RBFOX2: variants seen among roughly 807,000 people sequenced by gnomAD.
The protein encoded by RBFOX2 is RNA binding protein fox-1 homolog 2.
Under a neutral mutation model 49.1 loss-of-function variants are expected in RBFOX2, and 10 were observed. That is an observed-to-expected ratio of 0.20 (90% CI 0.13 to 0.35). The LOEUF (loss-of-function observed/expected upper bound fraction) is 0.35, where lower values mean the gene tolerates loss of function less well. Among genes scored for constraint, RBFOX2 ranks in the 10% least tolerant of loss-of-function variants. The pLI, the probability that RBFOX2 is intolerant of heterozygous loss-of-function variation, is 1.00. For missense variants in RBFOX2, 323 were observed against 486.9 expected (o/e 0.66, Z 3.17); for synonymous variants, 183 against 187.4 (o/e 0.98, Z 0.19).
intron 1 of RBFOX2, among the ~76,000 whole-genome samples, chr22:35,849,345 T>C (rs1221266068): frequency 7.1e-6 from 1 of 140,410 alleles, no homozygotes; most frequent in African/African-American, 2.6e-5. Context: ...ACACACAGAA[T>C]CTCTCCAAAG....
intron 1 of RBFOX2, among the ~76,000 whole-genome samples, chr22:35,871,589 T>C (rs1217897989): frequency 6.6e-6 from 1 of 152,212 alleles, no homozygotes; most frequent in African/African-American, 2.4e-5. Flanking sequence ...GCTGTTCTTA[T>C]TCAAGGGCTT....
At chr22:36,025,917 A>C (rs991756775) in intron 1 of RBFOX2, among the ~76,000 whole-genome samples, 2 of 152,198 alleles carry the variant, frequency 1.3e-5, no homozygotes, top group Non-Finnish European at 1.5e-5. Flanking sequence ...GGCAGGGCCT[A>C]AATCAATGAT....
intron 1 of RBFOX2, among the ~76,000 whole-genome samples, chr22:35,846,266 A>G (rs908941252): frequency 6.7e-6 from 1 of 149,694 alleles, no homozygotes; most frequent in African/African-American, 2.4e-5. Flanking sequence ...TATAAACTAT[A>G]TAAGTTAATA....
chr22:35,865,567 A>AT (rs894422458), intron 1 of RBFOX2, among the ~76,000 whole-genome samples: 53 of 150,930 alleles, frequency 3.5e-4, no homozygotes, highest in Non-Finnish European at 5.3e-4. Context: ...CTTTATTATT[A>AT]TTTTTTTTTG....
chr22:36,021,426 CAG>C (rs1476493089), intron 1 of RBFOX2, among the ~76,000 whole-genome samples: 3 of 151,758 alleles, frequency 2.0e-5, no homozygotes, highest in Admixed American at 2.0e-4. Context: ...AAAATAAAAA[CAG>C]AGAAGGGACA....
At chr22:35,817,369 T>C (rs1953334940) in intron 1 of RBFOX2, among the ~76,000 whole-genome samples, 1 of 151,868 alleles carries the variant, frequency 6.6e-6, no homozygotes, top group South Asian at 2.1e-4. Flanking sequence ...CCCAGCTACC[T>C]GGGAGGCTGA....
At chr22:35,838,956 T>C (rs1958199411) in intron 1 of RBFOX2, among the ~76,000 whole-genome samples, 1 of 152,162 alleles carries the variant, frequency 6.6e-6, no homozygotes. Flanking sequence ...TAAACAGGAT[T>C]CCAGCTCCTA....
chr22:35,988,187 C>T (rs949549594), intron 1 of RBFOX2, among the ~76,000 whole-genome samples: 9 of 152,122 alleles, frequency 5.9e-5, no homozygotes, highest in Non-Finnish European at 8.8e-5. Flanking sequence ...GCAAAAGAAC[C>T]GCACAGCGAT....
intron 1 of RBFOX2, among the ~76,000 whole-genome samples, chr22:35,985,285 C>A: frequency 6.6e-6 from 1 of 152,088 alleles, no homozygotes; most frequent in African/African-American, 2.4e-5. Flanking sequence ...AGACACAAAC[C>A]CTAAGTTGTT....
intron 3 of RBFOX2, among the ~76,000 whole-genome samples, chr22:35,780,592 C>A (rs7364157): frequency 0.043 from 6,515 of 152,138 alleles, 472 homozygotes; most frequent in African/African-American, 0.15. Context: ...CAATCCTCTA[C>A]AATGATTTTA....
chr22:36,028,261 G>C, exon 1 of RBFOX2: 2 of 1,530,556 alleles, frequency 1.3e-6, no homozygotes, highest in Non-Finnish European at 1.7e-6. Context: ...CGCCACCGTC[G>C]GCCGCCGCCT....
chr22:36,028,645 C>A (rs1323589688), exon 1 of RBFOX2, among the ~76,000 whole-genome samples: 1 of 149,406 alleles, frequency 6.7e-6, no homozygotes, highest in African/African-American at 2.4e-5. Flanking sequence ...GCCGGGTTGT[C>A]GGCGCGGGGC....
chr22:36,009,934 T>G (rs1290730806), intron 1 of RBFOX2, among the ~76,000 whole-genome samples: 1 of 152,200 alleles, frequency 6.6e-6, no homozygotes, highest in Non-Finnish European at 1.5e-5. Context: ...ACTCCTCGGG[T>G]TGGCACTTCA....
At chr22:35,898,486 C>T (rs1033325655) in intron 1 of RBFOX2, 16 of 353,802 alleles carry the variant, frequency 4.5e-5, no homozygotes, top group Non-Finnish European at 6.7e-5. Context: ...AGTGCAGTGG[C>T]GTGATCTCGA....
At chr22:35,832,640 C>G (rs1957006680) in intron 1 of RBFOX2, among the ~76,000 whole-genome samples, 1 of 152,004 alleles carries the variant, frequency 6.6e-6, no homozygotes, top group Non-Finnish European at 1.5e-5. Flanking sequence ...CGAGAGCAGC[C>G]TGGCCAACAT....
chr22:35,834,689 C>A (rs941039398), intron 1 of RBFOX2, among the ~76,000 whole-genome samples: 2 of 151,972 alleles, frequency 1.3e-5, no homozygotes, highest in Admixed American at 1.3e-4. Flanking sequence ...GCAGAAGGGT[C>A]CTGAGCAGGA....
intron 1 of RBFOX2, among the ~76,000 whole-genome samples, chr22:35,851,913 T>C (rs1207470197): frequency 6.6e-6 from 1 of 152,122 alleles, no homozygotes; most frequent in African/African-American, 2.4e-5. Context: ...ACTTTGTCAA[T>C]TCTTAACAGA....
In RBFOX2 at chr22:35,898,884, T is replaced by C. The variant is rs541342861; in HGVS notation, c.-34+39963A>G. ...GCTCATGCCTGTCATCCCAGCACTT[T>C]GGGAGGCCGAGGCGGGCAGATCACC... On this transcript the variant is annotated intron_variant, in intron 1 of 13. Transcript: ENST00000359369. Among the ~76,000 whole-genome samples the C allele has an allele frequency of 3.1e-4, 47 of 152,062 alleles. No individual in the cohort carries two copies. The South Asian group carries it at 3.6e-3, about 11-fold the overall frequency.
Position 35,861,563 on chromosome 22 carries a change from CATTATTCACTAGGAA to C in RBFOX2, c.-33-51574_-33-51560del, listed in dbSNP as rs375440598. 3.5e-3 allele frequency among the ~76,000 whole-genome samples: 534 copies of C among 152,274 alleles called. 1 individual carries two copies. Among genetic ancestry groups the C allele is most frequent in the African/African-American group, 0.011 (475 of 41,570 alleles). ...AAGCGCATGAAAAGAAGCTCAGTAT[CATTATTCACTAGGAA>C]ATTAGAACCTATTAGTATGATATCA... is the stretch of plus-strand genomic sequence containing the variant. On this transcript the variant is annotated intron_variant, in intron 1 of 13. Transcript: ENST00000359369.
Sources: allele counts gnomAD v4.1 joint callset (sites outside exome capture counted in the v4.1 genomes callset), GRCh38; gene constraint gnomAD v4.1.1; transcripts MANE v1.5; gene names NCBI Gene and HGNC (gene_info 2026-07-23, HGNC 2026-07-21).